The following HIBCH variants were observed in gnomAD, a reference collection of about 807,000 sequenced individuals.
The protein encoded by HIBCH is 3-hydroxyisobutyryl-CoA hydrolase, also known as 3-hydroxyisobutyryl-CoA hydrolase, mitochondrial.
Under a neutral mutation model 58.2 loss-of-function variants are expected in HIBCH, and 50 were observed. That is an observed-to-expected ratio of 0.86 (90% CI 0.68 to 1.09). HIBCH has a LOEUF of 1.09. Ranked by LOEUF, HIBCH falls within the 50% of genes least tolerant of loss-of-function variation. The pLI is 0.00. For missense variants in HIBCH, 450 were observed against 449.7 expected (o/e 1.00, Z -0.01); for synonymous variants, 151 against 146.9 (o/e 1.03, Z -0.20).
chr2:190,294,506 A>C (rs188339), intron 4 of HIBCH, 40 bp downstream of exon 4: 5 of 1,278,428 alleles, frequency 3.9e-6, no homozygotes, highest in Admixed American at 1.7e-5. Flanking sequence ...CAGTTCTAGT[A>C]GGGGGAAAGA....
intron 4 of HIBCH, among the ~76,000 whole-genome samples, chr2:190,294,053 TAG>T (rs1688040235): frequency 1.3e-3 from 186 of 143,984 alleles, no homozygotes; most frequent in African/African-American, 4.6e-3. Flanking sequence ...TATATATATA[TAG>T]CAACAGGATA....
chr2:190,200,118 C>T (rs972511628), downstream of HIBCH: 1 of 1,614,008 alleles, frequency 6.2e-7, no homozygotes, highest in Non-Finnish European at 8.5e-7. Context: ...AGTACCATGA[C>T]ATTCCATACA....
intron 1 of HIBCH, among the ~76,000 whole-genome samples, chr2:190,313,817 C>G (rs1360797608): frequency 6.6e-6 from 1 of 152,112 alleles, no homozygotes; most frequent in Non-Finnish European, 1.5e-5. Flanking sequence ...AAAATCAACA[C>G]TAACACTTTA....
rs146030628 is a variant in HIBCH, at chr2:190,261,464, C to T, written c.439-230G>A. On this transcript the variant is annotated intron_variant, in intron 6 of 13. Transcript: ENST00000359678. ...AACATTTACACATAAAGTCTGATCA[C>T]ACCCCCATTCTTGTCTGGTCATTCT... Among the ~76,000 whole-genome samples, 41 of 152,232 alleles carry T rather than the reference C, an allele frequency of 2.7e-4. No homozygotes were observed. In the East Asian group the frequency reaches 7.5e-3, roughly 28 times the overall value.
chr2:190,273,329 G>A (rs1687455774), intron 6 of HIBCH, among the ~76,000 whole-genome samples: 1 of 152,196 alleles, frequency 6.6e-6, no homozygotes, highest in South Asian at 2.1e-4. Context: ...GGAGGTGGAG[G>A]TTGCAGTGAG....
At position 190,197,284 on chromosome 2, in the gene HIBCH, T is replaced by G. The variant is rs1690024755; in HGVS notation, c.*18-7287A>C. ...ACTACTGATTCCTAAGGTGTCGCAT[T>G]TCTTGAGTAGTAACTAAATACGAAA... On this transcript the variant is annotated intron_variant, in intron 1 of 1. Transcript: ENST00000399855. The surrounding 1 kb of genome is among the most constrained non-coding windows in gnomAD (Gnocchi z 4.0). Among the ~76,000 whole-genome samples, 1 of 152,204 alleles carries G rather than the reference T, an allele frequency of 6.6e-6. No individual in the cohort carries two copies.
intron 6 of HIBCH, among the ~76,000 whole-genome samples, chr2:190,269,437 A>G (rs2105962105): frequency 6.9e-6 from 1 of 145,606 alleles, no homozygotes; most frequent in East Asian, 2.0e-4. Context: ...TCTTCTCAAA[A>G]GAAGACATTT....
At chr2:190,205,867 C>T (rs1690377302) in intron 13 of HIBCH, among the ~76,000 whole-genome samples, 1 of 151,872 alleles carries the variant, frequency 6.6e-6, no homozygotes, top group Non-Finnish European at 1.5e-5. Flanking sequence ...TGTAACTTCT[C>T]CGAAAAAAAA....
intron 7 of HIBCH, among the ~76,000 whole-genome samples, chr2:190,256,295 A>C (rs1479579048): frequency 6.6e-6 from 1 of 152,136 alleles, no homozygotes; most frequent in East Asian, 1.9e-4. Flanking sequence ...CTGGGAACCC[A>C]CACAGGACTA....
rs112242002 is a variant in HIBCH, at chr2:190,266,724, G to A, written c.439-5490C>T. ...GCTGGGATTACAGCCATGAGCCACCGCACCTGGCCACAAAATGAGCCGTTT... is the reference window on the plus strand; with the variant it reads ...GCTGGGATTACAGCCATGAGCCACCACACCTGGCCACAAAATGAGCCGTTT... On this transcript the variant is annotated intron_variant, in intron 6 of 13. Transcript: ENST00000359678. 5.7e-3 allele frequency among the ~76,000 whole-genome samples: 859 copies of A among 151,678 alleles called. 5 individuals are homozygous for A. The highest frequency in any genetic ancestry group is 0.02 in the African/African-American group (808 of 41,308).
At chr2:190,226,782 T>C (rs921005336) in intron 11 of HIBCH, among the ~76,000 whole-genome samples, 1 of 151,902 alleles carries the variant, frequency 6.6e-6, no homozygotes, top group Admixed American at 6.6e-5. Context: ...CTATACACCA[T>C]TAACAGACAA....
chr2:190,236,013 AG>A lies in HIBCH; in HGVS notation c.891+8873del, dbSNP rs1023611464. 1.3e-5 allele frequency among the ~76,000 whole-genome samples: 2 copies of A among 152,198 alleles called. No individual in the cohort carries two copies. The highest frequency in any genetic ancestry group is 2.4e-5 in the African/African-American group (1 of 41,458). Reference sequence around the variant, plus strand: ...ACTTTGTCATAGGTGCCAGGAGATAAGGGTTAAGCAAGCTTCCAGGAGTTAA... The same window carrying A: ...ACTTTGTCATAGGTGCCAGGAGATAAGGTTAAGCAAGCTTCCAGGAGTTAA... On this transcript the variant is annotated intron_variant, in intron 11 of 13. Transcript: ENST00000359678. The surrounding 1 kb of genome is among the most constrained non-coding windows in gnomAD (Gnocchi z 4.1).
chr2:190,274,681 T>A (rs978313363), intron 6 of HIBCH, among the ~76,000 whole-genome samples: 6 of 152,116 alleles, frequency 3.9e-5, no homozygotes, highest in African/African-American at 1.4e-4. Flanking sequence ...CACAGAAGAT[T>A]ATCCAGGGAG....
In HIBCH at chr2:190,269,028, T is replaced by C. The variant is rs1449862244; in HGVS notation, c.439-7794A>G. Reference sequence around the variant, plus strand: ...TGGTGCTGGGAAAACTGGTTAGCCATGTGCAGAAAACAGAAACTGGACCGC... The same window carrying C: ...TGGTGCTGGGAAAACTGGTTAGCCACGTGCAGAAAACAGAAACTGGACCGC... On this transcript the variant is annotated intron_variant, in intron 6 of 13. Transcript: ENST00000359678. Among the ~76,000 whole-genome samples, 2 of 152,172 alleles carry C rather than the reference T, an allele frequency of 1.3e-5. 1 individual carries two copies. The highest frequency in any genetic ancestry group is 2.9e-5 in the Non-Finnish European group (2 of 68,028).
chr2:190,282,456 C>T (rs1687726485), intron 6 of HIBCH, among the ~76,000 whole-genome samples: 1 of 152,186 alleles, frequency 6.6e-6, no homozygotes, highest in South Asian at 2.1e-4. Flanking sequence ...GAAGCAACCT[C>T]ACTTTACAAC....
At position 190,236,920 on chromosome 2, in the gene HIBCH, C is replaced by T. The variant is rs141715953; in HGVS notation, c.891+7967G>A. Among the ~76,000 whole-genome samples, 93 of 152,202 alleles carry T rather than the reference C, an allele frequency of 6.1e-4. No individual in the cohort carries two copies. The highest frequency in any genetic ancestry group is 2.2e-3 in the African/African-American group (92 of 41,528). On this transcript the variant is annotated intron_variant, in intron 11 of 13. Coordinates refer to ENST00000359678, the MANE Select transcript of HIBCH (RefSeq NM_014362.4). The surrounding 1 kb of genome is among the most constrained non-coding windows in gnomAD (Gnocchi z 4.1). ...CTGTTTTCTCTTCTGTCTACATAAA[C>T]TGATGCATTTTCCCCTTTATCATAC...
chr2:190,199,902 C>CATATATGAAGGTGAG (rs1434623449), downstream of HIBCH: 1 of 1,613,994 alleles, frequency 6.2e-7, no homozygotes, highest in Non-Finnish European at 8.5e-7. Context: ...CATTTCCTAC[C>CATATATGAAGGTGAG]ATATATGAAG....
Position 190,239,647 on chromosome 2 carries a change from G to GTTTTTTT in HIBCH, c.891+5233_891+5239dup, listed in dbSNP as rs60949644. ...TTACTTCCTTGAGCAGTGGTTTGTA[G>GTTTTTTT]TTTTTTTTTTTTTTTTTTTGAGACA... is the stretch of plus-strand genomic sequence containing the variant. On this transcript the variant is annotated intron_variant, in intron 11 of 13. Transcript: ENST00000359678. Among the ~76,000 whole-genome samples the GTTTTTTT allele has an allele frequency of 4.2e-3, 539 of 127,452 alleles. 6 individuals carry two copies. Among genetic ancestry groups the GTTTTTTT allele is most frequent in the African/African-American group, 0.015 (491 of 33,618 alleles). 83.6% of individuals were successfully genotyped at this position (127,452 alleles called of 152,430 possible).
At chr2:190,230,545 A>G in intron 11 of HIBCH, among the ~76,000 whole-genome samples, 1 of 152,206 alleles carries the variant, frequency 6.6e-6, no homozygotes, top group East Asian at 1.9e-4. Flanking sequence ...AAATACAAAA[A>G]TTAGCTGGGT....
Sources: allele counts gnomAD v4.1 joint callset (sites outside exome capture counted in the v4.1 genomes callset), GRCh38; gene constraint gnomAD v4.1.1; non-coding constraint Gnocchi (gnomAD v3.1); transcripts MANE v1.5; gene names NCBI Gene and HGNC (gene_info 2026-07-23, HGNC 2026-07-21).